AP3B2: variants seen among roughly 807,000 people sequenced by gnomAD.
AP3B2 encodes the protein adaptor related protein complex 3 subunit beta 2.
A neutral mutation model predicts 126.9 loss-of-function variants in AP3B2; 50 were observed. The observed-to-expected ratio is 0.39, with a 90% confidence interval of 0.31 to 0.50. The LOEUF (loss-of-function observed/expected upper bound fraction) is 0.50. Among genes scored for constraint, AP3B2 ranks in the 20% least tolerant of loss-of-function variants. The pLI is 0.79. For synonymous variants in AP3B2, 541 were observed against 565.0 expected, an observed-to-expected ratio of 0.96 and a Z score of 0.60; for missense variants, 1,177 against 1,426.4, an observed-to-expected ratio of 0.83 and a Z score of 2.82.
intron 1 of AP3B2, among the ~76,000 whole-genome samples, chr15:82,706,785 G>C (rs1208642851): frequency 1.3e-5 from 2 of 152,098 alleles, no homozygotes; most frequent in African/African-American, 4.8e-5. Context: ...CTGCCTCTTA[G>C]AACCTCTCAT....
chr15:82,663,678 G>A, intron 20 of AP3B2, 58 bp from the exon 21 acceptor site: 6 of 1,612,164 alleles, frequency 3.7e-6, no homozygotes, highest in Non-Finnish European at 5.1e-6. Flanking sequence ...GCATGTTCTG[G>A]GTTGGGTAGA....
At chr15:82,700,790 A>G (rs1204788820) in intron 1 of AP3B2, among the ~76,000 whole-genome samples, 1 of 152,052 alleles carries the variant, frequency 6.6e-6, no homozygotes, top group African/African-American at 2.4e-5. Context: ...CTGGTTCCCG[A>G]AAAAGGGAAA....
At chr15:82,685,638 T>C (rs1474166313) in intron 4 of AP3B2, 1 of 152,320 alleles carries the variant, frequency 6.6e-6, no homozygotes, top group East Asian at 1.9e-4. Flanking sequence ...TGTGTGAGCA[T>C]TTTATTTGGG....
At chr15:82,687,670 A>AC (rs1272390386) in intron 4 of AP3B2, 2 of 152,162 alleles carry the variant, frequency 1.3e-5, no homozygotes, top group East Asian at 3.8e-4. Flanking sequence ...CCGACTGTCA[A>AC]CCCCTCTTGC....
chr15:82,681,668 G>C lies in AP3B2; in HGVS notation c.361-88C>G, dbSNP rs1003668916. ...ACACCTTTGGAAGTCACTGTCCCCA[G>C]CGACCACTAGCTCTTGCTTCCCTGC... On this transcript the variant is annotated intron_variant, in intron 4 of 26. Coordinates refer to ENST00000535359, the MANE Select transcript of AP3B2 (RefSeq NM_001278512.2). The surrounding 1 kb of genome is among the most constrained non-coding windows in gnomAD (Gnocchi z 4.0). The C allele has an allele frequency of 2.2e-6, 3 of 1,390,294 alleles. No homozygotes were observed. The highest frequency in any genetic ancestry group is 4.1e-5 in the Admixed American group (2 of 48,194). The allele number at this position is 1,390,294 out of a possible 1,614,324, so 86.1% of individuals were successfully genotyped here.
At chr15:82,687,791 A>G (rs980019295) in intron 4 of AP3B2, 1 of 152,212 alleles carries the variant, frequency 6.6e-6, no homozygotes, top group Admixed American at 6.5e-5. Flanking sequence ...ACCTTTCACA[A>G]TCTCTCTCAC....
intron 21 of AP3B2, 130 bp downstream of exon 21, chr15:82,663,430 T>G: frequency 1.7e-6 from 2 of 1,167,878 alleles, no homozygotes; most frequent in Non-Finnish European, 2.5e-6. Flanking sequence ...CTCTCAGGCC[T>G]GAAGATATGT....
At chr15:82,700,309 CCT>C (rs370756467) in intron 1 of AP3B2, among the ~76,000 whole-genome samples, 16 of 151,672 alleles carry the variant, frequency 1.1e-4, no homozygotes, top group East Asian at 3.9e-4. Flanking sequence ...CCCCGCAACC[CCT>C]GTGTCTATCC....
intron 24 of AP3B2, 27 bp downstream of exon 24, chr15:82,662,141 C>T: frequency 6.4e-7 from 1 of 1,569,742 alleles, no homozygotes; most frequent in Non-Finnish European, 8.7e-7. Flanking sequence ...CCCATCCTCT[C>T]ACCCCCACCT....
chr15:82,683,053 T>TTTC (rs2048369913), intron 4 of AP3B2, among the ~76,000 whole-genome samples: 1 of 75,032 alleles, frequency 1.3e-5, no homozygotes, highest in African/African-American at 9.5e-5. Flanking sequence ...AGGAGTTTTT[T>TTTC]TTTTTTTTTT....
chr15:82,672,360 G>A (rs2048173099), intron 14 of AP3B2, among the ~76,000 whole-genome samples: 1 of 152,194 alleles, frequency 6.6e-6, no homozygotes, highest in South Asian at 2.1e-4. Flanking sequence ...GCCAAGCACA[G>A]AAAAACAAAC....
intron 10 of AP3B2, among the ~76,000 whole-genome samples, chr15:82,678,392 A>G (rs183376596): frequency 2.6e-5 from 4 of 152,308 alleles, no homozygotes; most frequent in African/African-American, 9.6e-5. Context: ...CAGTATGACC[A>G]TGTCACCTCC....
chr15:82,692,394 C>T (rs1024469547), intron 1 of AP3B2: 4 of 492,018 alleles, frequency 8.1e-6, no homozygotes, highest in African/African-American at 2.0e-5. Context: ...GCAATCCCCC[C>T]GCAGCGTCCC....
At position 82,663,885 on chromosome 15, in the gene AP3B2, A is replaced by T; in HGVS notation, c.2352T>A (p.Asp784Glu). 1 of 1,613,794 alleles carries T rather than the reference A, an allele frequency of 6.2e-7. No individual in the cohort carries two copies. Among genetic ancestry groups the T allele is most frequent in the African/African-American group, 1.3e-5 (1 of 75,062 alleles). The change falls in exon 20 of 27, where the codon GAT becomes GAA. Residue 784 changes from aspartate to glutamate, a missense_variant. Physicochemically the swap from Asp to Glu is conservative, Grantham distance 45. This residue lies in a region of AP3B2 where 587 missense variants were observed against 571.3 expected (regional missense o/e 1.03). Coordinates refer to ENST00000535359, the MANE Select transcript of AP3B2 (RefSeq NM_001278512.2). ...GEASSSDEGS[D>E]SSSSSSESEM... ...CGGACTCTGATGAGCTACTGCTGGAATCGCTGCCCTCATCAGAGGATGACG... is the reference window on the plus strand; with the variant it reads ...CGGACTCTGATGAGCTACTGCTGGATTCGCTGCCCTCATCAGAGGATGACG...
rs372162071 is a variant in AP3B2 at position 82,689,352 on chromosome 15, G to A, written c.189+26C>T. 311 of 1,613,160 alleles carry A rather than the reference G, an allele frequency of 1.9e-4. 1 individual carries two copies. In the African/African-American group the frequency reaches 3.7e-3, roughly 19 times the overall value. On this transcript the variant is annotated intron_variant, in intron 2 of 26. Coordinates refer to ENST00000535359, the MANE Select transcript of AP3B2 (RefSeq NM_001278512.2). ...CTTGGCCACCCAGGCCCCGCCCGGA[G>A]GGAGGCCTCCTCCTTCCCCTCTTAC...
chr15:82,698,591 T>C (rs571949277), intron 1 of AP3B2, among the ~76,000 whole-genome samples: 7 of 152,096 alleles, frequency 4.6e-5, no homozygotes, highest in South Asian at 4.1e-4. Flanking sequence ...GGACTCCTAG[T>C]TGAGATTTTT....
intron 1 of AP3B2, among the ~76,000 whole-genome samples, chr15:82,696,462 C>A (rs946698341): frequency 1.3e-5 from 2 of 152,102 alleles, no homozygotes; most frequent in South Asian, 4.1e-4. Context: ...CCTGTAATCC[C>A]AGCTACTCAG....
At chr15:82,690,407 C>T (rs1454994453) in intron 1 of AP3B2, among the ~76,000 whole-genome samples, 1 of 152,024 alleles carries the variant, frequency 6.6e-6, no homozygotes, top group Non-Finnish European at 1.5e-5. Context: ...TCCCTCCTCC[C>T]CCAACGCCAC....
rs151231029 is a variant in AP3B2, at chr15:82,666,810, G to A, written c.1789C>T (p.Arg597Cys). The change falls in exon 15 of 27, where the codon CGC becomes TGC. Residue 597 changes from arginine to cysteine, a missense_variant. Physicochemically the swap from Arg to Cys is radical, Grantham distance 180. Around this residue, in one of 5 missense-constraint regions of AP3B2, gnomAD observed 308 missense variants for 452.4 expected, o/e 0.68. Transcript: ENST00000535359. Reference sequence around the variant, plus strand: ...GCCAGGAAGAGCTTCTTGGCATGGCGGCTGAGGGCCCCACCCTGCTCGGAA... The same window carrying A: ...GCCAGGAAGAGCTTCTTGGCATGGCAGCTGAGGGCCCCACCCTGCTCGGAA... ...VPSEQGGALS[R>C]HAKKLFLAPK... 5.6e-6 allele frequency: 9 copies of A among 1,614,000 alleles called. No homozygotes were observed. The highest frequency in any genetic ancestry group is 5.9e-6 in the Non-Finnish European group (7 of 1,179,902).
Sources: gnomAD v4.1 joint callset for allele counts (sites outside exome capture counted in the v4.1 genomes callset) on GRCh38, gnomAD v4.1.1 for gene constraint, gnomAD v4.1.1 regional missense constraint, Gnocchi (gnomAD v3.1) non-coding constraint, MANE v1.5 for transcripts, NCBI Gene and HGNC (gene_info 2026-07-23, HGNC 2026-07-21) for gene names.